Variants in DLG1 observed in about 807,000 individuals in gnomAD.
The protein encoded by DLG1 is discs large MAGUK scaffold protein 1.
DLG1 carries 42 observed loss-of-function variants against 123.4 expected under a neutral mutation model. The observed-to-expected ratio is 0.34, with a 90% CI of 0.27 to 0.44. DLG1 has a LOEUF of 0.44. Ranked by LOEUF, DLG1 falls within the 20% of genes least tolerant of loss-of-function variation. DLG1 has a pLI of 1.00. For missense variants in DLG1, 942 were observed against 1,082.6 expected (o/e 0.87, Z 1.82); for synonymous variants, 317 against 356.2 (o/e 0.89, Z 1.24).
chr3:197,116,181 C>T, intron 12 of DLG1, 98 bp from the exon 13 acceptor site: 1 of 917,896 alleles, frequency 1.1e-6, no homozygotes. Context: ...TGTTATCAAA[C>T]TACAAAGAAA....
At chr3:197,157,994 TC>T (rs1174533386) in intron 5 of DLG1, among the ~76,000 whole-genome samples, 1 of 152,162 alleles carries the variant, frequency 6.6e-6, no homozygotes, top group Non-Finnish European at 1.5e-5. Context: ...GTCAATGATT[TC>T]TTGGATATGA....
intron 24 of DLG1, among the ~76,000 whole-genome samples, chr3:197,047,059 G>A (rs757776984): frequency 1.3e-5 from 2 of 152,074 alleles, no homozygotes; most frequent in Non-Finnish European, 2.9e-5. Context: ...GTGAGCCTCC[G>A]CTGGATCCTG....
chr3:197,072,881 G>C (rs1323557102), intron 18 of DLG1, among the ~76,000 whole-genome samples: 1 of 152,120 alleles, frequency 6.6e-6, no homozygotes, highest in African/African-American at 2.4e-5. Context: ...ACTTTTAGTA[G>C]AGACGGGGTT....
intron 4 of DLG1, among the ~76,000 whole-genome samples, chr3:197,272,954 A>G (rs562164925): frequency 1.3e-5 from 2 of 152,326 alleles, no homozygotes; most frequent in East Asian, 3.9e-4. Flanking sequence ...TGTACAATTC[A>G]GTGATTTTTG....
At chr3:197,196,655 C>CT (rs1722677514) in intron 4 of DLG1, among the ~76,000 whole-genome samples, 1 of 152,142 alleles carries the variant, frequency 6.6e-6, no homozygotes, top group African/African-American at 2.4e-5. Flanking sequence ...TATCAATCAA[C>CT]TAACAAAATG....
At chr3:197,214,410 T>C (rs1312528053) in intron 4 of DLG1, among the ~76,000 whole-genome samples, 3 of 151,838 alleles carry the variant, frequency 2.0e-5, no homozygotes, top group African/African-American at 4.8e-5. Context: ...CCGTCTCTAC[T>C]AAAAACACAA....
chr3:197,132,156 T>C (rs1782961413), intron 10 of DLG1, among the ~76,000 whole-genome samples: 2 of 152,278 alleles, frequency 1.3e-5, no homozygotes, highest in South Asian at 4.1e-4. Flanking sequence ...TTGATTTTTT[T>C]TTCAAAGGAC....
At chr3:197,132,962 C>T (rs1783400256) in intron 10 of DLG1, among the ~76,000 whole-genome samples, 1 of 131,776 alleles carries the variant, frequency 7.6e-6, no homozygotes, top group Admixed American at 7.6e-5. Flanking sequence ...TGGTATACTG[C>T]TGAAATACAC....
In DLG1 at chr3:197,044,575, C is replaced by T; in HGVS notation, c.*48G>A. On this transcript the variant is annotated 3_prime_UTR_variant, in exon 25 of 25. Transcript: ENST00000667157. ...CTCCAGAGGAAAGGGCAAAGAGATG[C>T]CAAAGAAAATGGAATTGTGGAAAAG... 1.5e-6 allele frequency: 2 copies of T among 1,367,186 alleles called. No individual in the cohort carries two copies. Among genetic ancestry groups the T allele is most frequent in the Non-Finnish European group, 2.1e-6 (2 of 964,480 alleles). 84.7% of individuals were successfully genotyped at this position (1,367,186 alleles called of 1,614,324 possible). A position where few individuals can be genotyped will look rare whatever the true frequency, so the allele number is the denominator to read the frequency against.
chr3:197,069,787 G>A (rs1742348164), intron 18 of DLG1: 1 of 152,152 alleles, frequency 6.6e-6, no homozygotes, highest in Non-Finnish European at 1.5e-5. Context: ...GGATTGTAAA[G>A]GTCATAAATT....
intron 4 of DLG1, among the ~76,000 whole-genome samples, chr3:197,244,543 T>C (rs970272686): frequency 8.5e-5 from 13 of 152,062 alleles, no homozygotes; most frequent in African/African-American, 2.7e-4. Context: ...GAAAGGATAA[T>C]TGTCTGACAG....
intron 5 of DLG1, among the ~76,000 whole-genome samples, chr3:197,189,537 AAGTGAGGGAAAGGGGACT>A (rs549071047): frequency 1.4e-4 from 21 of 152,308 alleles, no homozygotes; most frequent in South Asian, 4.1e-4. Context: ...CAGCAAACCA[AAGTGAGGGAAAGGGGACT>A]AGTGAGGGAA....
chr3:197,155,230 T>C (rs1795836714), intron 5 of DLG1, among the ~76,000 whole-genome samples: 1 of 152,188 alleles, frequency 6.6e-6, no homozygotes, highest in Non-Finnish European at 1.5e-5. Context: ...TCAGCAGACT[T>C]CACATCAGAC....
intron 14 of DLG1, among the ~76,000 whole-genome samples, chr3:197,093,586 A>T (rs1758993935): frequency 6.7e-6 from 1 of 148,714 alleles, no homozygotes; most frequent in African/African-American, 2.5e-5. Flanking sequence ...TTACAGCAAT[A>T]TGCAGTCCTT....
intron 4 of DLG1, among the ~76,000 whole-genome samples, chr3:197,276,276 C>G (rs974339368): frequency 2.0e-5 from 3 of 152,222 alleles, no homozygotes; most frequent in African/African-American, 7.2e-5. Context: ...CTAATTAAGG[C>G]TGCAGTGAGC....
chr3:197,237,981 G>C (rs375879687), intron 4 of DLG1, among the ~76,000 whole-genome samples: 1 of 152,132 alleles, frequency 6.6e-6, no homozygotes, highest in Non-Finnish European at 1.5e-5. Context: ...AAATCCACTG[G>C]TAACAAAAGC....
At chr3:197,060,849 G>A (rs551033305) in intron 22 of DLG1, among the ~76,000 whole-genome samples, 2 of 152,274 alleles carry the variant, frequency 1.3e-5, no homozygotes, top group South Asian at 4.2e-4. Context: ...TTTTTGAGAC[G>A]AAGACTTGCT....
At chr3:197,269,691 G>A (rs780338277) in intron 4 of DLG1, among the ~76,000 whole-genome samples, 4 of 152,136 alleles carry the variant, frequency 2.6e-5, no homozygotes, top group Non-Finnish European at 4.4e-5. Context: ...TAAGCTCCAC[G>A]TATTAAGAAC....
intron 4 of DLG1, among the ~76,000 whole-genome samples, chr3:197,281,061 G>A (rs9866076): frequency 0.67 from 98,020 of 145,918 alleles, 33,619 homozygotes; most frequent in East Asian, 0.81. Flanking sequence ...CTCGCTTATC[G>A]CCAGTCTCGC....
Sources: gnomAD v4.1 joint callset for allele counts (sites outside exome capture counted in the v4.1 genomes callset) on GRCh38, gnomAD v4.1.1 for gene constraint, MANE v1.5 for transcripts, NCBI Gene and HGNC (gene_info 2026-07-23, HGNC 2026-07-21) for gene names.